LRRC1: variants seen among roughly 807,000 people sequenced by gnomAD.
The protein encoded by LRRC1 is leucine rich repeat containing 1, also known as leucine-rich repeat-containing protein 1.
Under a neutral mutation model 69.9 loss-of-function variants are expected in LRRC1, and 28 were observed. The observed-to-expected ratio is 0.40, with a 90% CI of 0.30 to 0.55. The LOEUF is 0.55. LRRC1 is among the 20% of genes least tolerant of loss of function. The pLI, the probability that LRRC1 is intolerant of heterozygous loss-of-function variation, is 0.47. For synonymous variants in LRRC1, 236 were observed against 240.2 expected (o/e 0.98, Z 0.16); for missense variants, 498 against 609.0 (o/e 0.82, Z 1.92).
chr6:53,888,171 C>CT (rs891658432), intron 4 of LRRC1, among the ~76,000 whole-genome samples: 1 of 152,150 alleles, frequency 6.6e-6, no homozygotes, highest in African/African-American at 2.4e-5. Context: ...AAGCCACACA[C>CT]TTTGTGTTTT....
intron 1 of LRRC1, among the ~76,000 whole-genome samples, chr6:53,806,864 C>G (rs1764648065): frequency 6.6e-6 from 1 of 152,192 alleles, no homozygotes; most frequent in African/African-American, 2.4e-5. Flanking sequence ...CTCCCTCACC[C>G]CCAACAACCT....
At chr6:53,896,985 G>T in intron 6 of LRRC1, 93 bp downstream of exon 6, 1 of 809,466 alleles carries the variant, frequency 1.2e-6, no homozygotes, top group Non-Finnish European at 2.1e-6. Context: ...TATGAAGCCA[G>T]TATTTCCACA....
intron 9 of LRRC1, among the ~76,000 whole-genome samples, chr6:53,903,421 T>G (rs1198982560): frequency 6.6e-6 from 1 of 152,178 alleles, no homozygotes; most frequent in African/African-American, 2.4e-5. Flanking sequence ...CCCCCTCTGC[T>G]TTTGTCAGCC....
At chr6:53,796,813 A>G (rs1251811494) in intron 1 of LRRC1, among the ~76,000 whole-genome samples, 1 of 152,120 alleles carries the variant, frequency 6.6e-6, no homozygotes, top group Non-Finnish European at 1.5e-5. Flanking sequence ...TTTCGCAGGC[A>G]TTTTCAAACA....
chr6:53,881,433 A>C (rs1027838397), intron 3 of LRRC1, among the ~76,000 whole-genome samples: 1 of 152,212 alleles, frequency 6.6e-6, no homozygotes, highest in Admixed American at 6.5e-5. Flanking sequence ...CATCTTAGCT[A>C]GTTTTTAAAT....
intron 10 of LRRC1, among the ~76,000 whole-genome samples, chr6:53,909,660 G>T (rs1768351017): frequency 6.6e-6 from 1 of 151,814 alleles, no homozygotes; most frequent in South Asian, 2.1e-4. Context: ...GATGTCAGTG[G>T]CCTCAGAATT....
chr6:53,837,423 G>A (rs1445395891), intron 1 of LRRC1, among the ~76,000 whole-genome samples: 1 of 152,110 alleles, frequency 6.6e-6, no homozygotes. Context: ...GATGGGGACC[G>A]GAGTAGGGAT....
At chr6:53,818,956 G>C (rs767204578) in intron 1 of LRRC1, among the ~76,000 whole-genome samples, 3 of 152,164 alleles carry the variant, frequency 2.0e-5, no homozygotes, top group Non-Finnish European at 2.9e-5. Context: ...AAGTTGTCAG[G>C]GAGGCACTGA....
intron 2 of LRRC1, among the ~76,000 whole-genome samples, chr6:53,851,746 C>T (rs979982029): frequency 6.6e-6 from 1 of 152,106 alleles, no homozygotes; most frequent in African/African-American, 2.4e-5. Flanking sequence ...CACACAAAAT[C>T]TCATTGCACT....
chr6:53,867,822 G>A (rs1437494050), intron 2 of LRRC1, among the ~76,000 whole-genome samples: 2 of 151,892 alleles, frequency 1.3e-5, no homozygotes, highest in East Asian at 1.9e-4. Flanking sequence ...GGGCGTGGTG[G>A]CGTGCACCTG....
chr6:53,896,783 A>C (rs751997988), intron 5 of LRRC1, 46 bp from the exon 6 acceptor site: 16 of 1,253,994 alleles, frequency 1.3e-5, no homozygotes, highest in Non-Finnish European at 1.9e-5. Flanking sequence ...ATTGCTCAGC[A>C]TTTCTAAGTA....
intron 10 of LRRC1, among the ~76,000 whole-genome samples, chr6:53,913,559 T>C (rs1335997684): frequency 6.6e-6 from 1 of 152,240 alleles, no homozygotes; most frequent in Non-Finnish European, 1.5e-5. Flanking sequence ...TTGCGTTAGA[T>C]ATCAGCAGTG....
chr6:53,853,328 A>C (rs1040670461), intron 2 of LRRC1, among the ~76,000 whole-genome samples: 18 of 141,114 alleles, frequency 1.3e-4, no homozygotes, highest in African/African-American at 4.7e-4. Flanking sequence ...TCTGTTGCCC[A>C]GGCTGGAGCG....
At chr6:53,860,737 T>G (rs910362368) in intron 2 of LRRC1, among the ~76,000 whole-genome samples, 1 of 152,192 alleles carries the variant, frequency 6.6e-6, no homozygotes, top group Non-Finnish European at 1.5e-5. Flanking sequence ...TTACTTCCCA[T>G]TGGAGGCAGT....
Position 53,897,927 on chromosome 6 carries a change from G to A in LRRC1, c.642+568G>A, listed in dbSNP as rs566774194. Among the ~76,000 whole-genome samples the A allele has an allele frequency of 7.2e-4, 109 of 152,282 alleles. 1 individual carries two copies. Among genetic ancestry groups the A allele is most frequent in the South Asian group, 1.5e-3 (7 of 4,820 alleles). On this transcript the variant is annotated intron_variant, in intron 7 of 13. Transcript: ENST00000370888. ...AGACTTCTGAGCACATAGTCATCTTGTGGAGTCTTAGCAGACAGGCCTACA... is the reference window on the plus strand; with the variant it reads ...AGACTTCTGAGCACATAGTCATCTTATGGAGTCTTAGCAGACAGGCCTACA...
chr6:53,854,748 A>G (rs989227354), intron 2 of LRRC1, among the ~76,000 whole-genome samples: 19 of 152,118 alleles, frequency 1.2e-4, no homozygotes, highest in Non-Finnish European at 2.4e-4. Context: ...TGTACATTTT[A>G]TTTATCTTTT....
rs1767170680 is a variant in LRRC1, at chr6:53,879,009, A to C, written c.294A>C (p.Pro98=). The C allele has an allele frequency of 1.2e-6, 2 of 1,612,230 alleles. No homozygotes were observed. The highest frequency in any genetic ancestry group is 2.2e-5 in the East Asian group (1 of 44,842). The change falls in exon 3 of 14, where the codon CCA becomes CCC. Residue 98 remains proline (P), a synonymous_variant. Transcript: ENST00000370888. The part of the protein sequence containing the change: ...DVSRNEIPEI[P]ESISFCKALQ... ...CTCCTGCAGAGATTCCTGAAATTCC[A>C]GAAAGCATTTCATTCTGTAAAGCAC...
intron 1 of LRRC1, among the ~76,000 whole-genome samples, chr6:53,824,828 T>C (rs1402196790): frequency 6.6e-6 from 1 of 152,200 alleles, no homozygotes; most frequent in African/African-American, 2.4e-5. Context: ...AGATCAACCA[T>C]CCAGTTTTTC....
intron 2 of LRRC1, among the ~76,000 whole-genome samples, chr6:53,847,824 C>G (rs1368069704): frequency 6.6e-6 from 1 of 152,228 alleles, no homozygotes; most frequent in African/African-American, 2.4e-5. Flanking sequence ...CTGAAAAGAG[C>G]TCGTTCTGGC....
Sources: gnomAD v4.1 joint callset for allele counts (sites outside exome capture counted in the v4.1 genomes callset) on GRCh38, gnomAD v4.1.1 for gene constraint, MANE v1.5 for transcripts, NCBI Gene and HGNC (gene_info 2026-07-23, HGNC 2026-07-21) for gene names.